TMEM74B: variants seen among roughly 807,000 people sequenced by gnomAD.
TMEM74B encodes the protein transmembrane protein C20orf46.
In TMEM74B, 7 loss-of-function variants were observed where a neutral mutation model predicts 6.5. The observed-to-expected ratio is 1.07, with a 90% CI of 0.61 to 2.01. TMEM74B has a LOEUF of 2.01. Among genes scored for constraint, TMEM74B ranks in the 30% most tolerant of loss-of-function variants. TMEM74B has a pLI of 0.00. For missense variants in TMEM74B, 342 were observed against 337.0 expected (o/e 1.01, Z -0.12); for synonymous variants, 151 against 151.6 (o/e 1.00, Z 0.03).
In TMEM74B at chr20:1,183,847, CTTCA is replaced by C. The variant is rs781460315; in HGVS notation, c.-50_-47del. 1 of 1,609,172 alleles carries C rather than the reference CTTCA, an allele frequency of 6.2e-7. No homozygotes were observed. The highest frequency in any genetic ancestry group is 1.1e-5 in the South Asian group (1 of 90,208). On this transcript the variant is annotated 5_prime_UTR_variant, in exon 2 of 3. An upstream start codon of the reference 5' UTR is lost. Transcript: ENST00000429036. ...GCTCTGCATCCCTCACTCATAGACTCTTCATTTTATCCAGCTGTTTATCAGCAAC... is the reference window on the plus strand; with the variant it reads ...GCTCTGCATCCCTCACTCATAGACTCTTTTATCCAGCTGTTTATCAGCAAC...
Position 1,180,927 on chromosome 20 carries a change from T to C in TMEM74B, c.692A>G (p.Asn231Ser), listed in dbSNP as rs200702079. The change falls in exon 3 of 3, where the codon AAT becomes AGT. Residue 231 changes from asparagine (N) to serine (S), a missense_variant. Transcript: ENST00000429036. This position sits in a 1 kb window ranked among gnomAD's most constrained non-coding sequence, Gnocchi z 6.1. ...GSINLRMRQL[N>S]GDGGQALVEN... ...CACCAGGGCCTGGCCCCCATCCCCA[T>C]TGAGCTGTCTCATGCGCAGGTTAAT... 7 of 1,614,026 alleles carry C rather than the reference T, an allele frequency of 4.3e-6. No homozygotes were observed. The Admixed American group carries it at 5.0e-5, about 12-fold the overall frequency.
intron 2 of TMEM74B, among the ~76,000 whole-genome samples, chr20:1,182,103 G>A (rs976671504): frequency 6.7e-6 from 1 of 148,802 alleles, no homozygotes; most frequent in Non-Finnish European, 1.5e-5. Flanking sequence ...TAAGGTTGTT[G>A]TGAGGATTTC....
upstream of TMEM74B, among the ~76,000 whole-genome samples, chr20:1,187,206 A>C (rs1285346951): frequency 6.6e-6 from 1 of 151,894 alleles, no homozygotes; most frequent in Non-Finnish European, 1.5e-5. Context: ...GTGCCCCAGC[A>C]CTCTTTACTC....
chr20:1,181,352 C>G lies in TMEM74B; in HGVS notation c.267G>C (p.Gly89=). ...GGGATCGGGGCAGTGAGGAGACACC[C>G]CCAGGGGGACTGGGTGAGCTGCCCA... ...TRLGSSPSPP[G]GVSSLPRSQR... is the part of the protein sequence containing the mutation. Residue 89 remains glycine (G), a synonymous_variant, in exon 3 of 3, where the codon GGG becomes GGC. Coordinates refer to ENST00000429036, the MANE Select transcript of TMEM74B (RefSeq NM_001304748.2). This position sits in a 1 kb window ranked among gnomAD's most constrained non-coding sequence, Gnocchi z 4.9. 1.3e-6 allele frequency: 2 copies of G among 1,566,598 alleles called. No individual in the cohort carries two copies. The highest frequency in any genetic ancestry group is 1.7e-6 in the Non-Finnish European group (2 of 1,153,906).
upstream of TMEM74B, among the ~76,000 whole-genome samples, chr20:1,187,062 C>T (rs148409120): frequency 1.8e-4 from 28 of 152,320 alleles, no homozygotes; most frequent in Non-Finnish European, 3.5e-4. Flanking sequence ...TTTGCGCTGG[C>T]TGTTCCTTCT....
In TMEM74B at chr20:1,184,458, A is replaced by G. The variant is rs1310023842; in HGVS notation, c.-304T>C. 1 of 152,302 alleles carries G rather than the reference A, an allele frequency of 6.6e-6. No individual in the cohort carries two copies. Among genetic ancestry groups the G allele is most frequent in the African/African-American group, 2.4e-5 (1 of 41,328 alleles). The allele number at this position is 152,302 out of a possible 1,614,324, so 9.4% of individuals were successfully genotyped here. ...ACACCCCACGACCCCACCAGTTACT[A>G]ATTTCATCTGCAGTCAGACAGGTCC... On this transcript the variant is annotated 5_prime_UTR_variant, in exon 1 of 3. Coordinates refer to ENST00000429036, the MANE Select transcript of TMEM74B (RefSeq NM_001304748.2). This position sits in a 1 kb window ranked among gnomAD's most constrained non-coding sequence, Gnocchi z 6.0.
chr20:1,182,581 T>C (rs1206127754), intron 2 of TMEM74B, among the ~76,000 whole-genome samples: 1 of 151,154 alleles, frequency 6.6e-6, no homozygotes, highest in Non-Finnish European at 1.5e-5. Flanking sequence ...GAGCCATGAC[T>C]AGGTCAAAGC....
upstream of TMEM74B, among the ~76,000 whole-genome samples, chr20:1,185,848 GGTAGGACCCCGGGTCC>G (rs2087012459): frequency 1.5e-5 from 1 of 64,892 alleles, no homozygotes; most frequent in East Asian, 5.1e-4. Flanking sequence ...GCAGCCCCCA[GGTAGGACCCCGGGTCC>G]TCTCCGAGGT....
chr20:1,188,948 A>C (rs1276256875), upstream of TMEM74B, among the ~76,000 whole-genome samples: 1 of 119,780 alleles, frequency 8.3e-6, no homozygotes, highest in African/African-American at 3.3e-5. Flanking sequence ...GCACATAATG[A>C]CTCCCTTTCC....
chr20:1,184,841 G>T lies in TMEM74B; in HGVS notation c.-687C>A, dbSNP rs1391388276. ...ACAAAGCCTTGGGGCGCGCAGATAC[G>T]CACACGCAGGTCCACGCTGTTGTAC... On this transcript the variant is annotated 5_prime_UTR_variant, in exon 1 of 3. Coordinates refer to ENST00000429036, the MANE Select transcript of TMEM74B (RefSeq NM_001304748.2). This position sits in a 1 kb window ranked among gnomAD's most constrained non-coding sequence, Gnocchi z 6.0. Among the ~76,000 whole-genome samples, 1 of 152,222 alleles carries T rather than the reference G, an allele frequency of 6.6e-6. No individual in the cohort carries two copies. Among genetic ancestry groups the T allele is most frequent in the Non-Finnish European group, 1.5e-5 (1 of 68,030 alleles).
upstream of TMEM74B, among the ~76,000 whole-genome samples, chr20:1,188,882 G>T (rs1470187375): frequency 6.6e-6 from 1 of 150,524 alleles, no homozygotes; most frequent in Non-Finnish European, 1.5e-5. Flanking sequence ...TCTGTATCTA[G>T]ATAACTCAGT....
chr20:1,181,501 G>C lies in TMEM74B; in HGVS notation c.118C>G (p.Pro40Ala). The change falls in exon 3 of 3, where the codon CCC becomes GCC. Residue 40 changes from proline (P) to alanine (A), a missense_variant. By Grantham distance (27) the Pro-to-Ala change is conservative. Transcript: ENST00000429036. This position sits in a 1 kb window ranked among gnomAD's most constrained non-coding sequence, Gnocchi z 4.9. ...GLELKTLSNGPQAPRRSAPLG... is the reference protein window; with the variant it reads ...GLELKTLSNGAQAPRRSAPLG... ...GGAGCTGATCTCCTTGGGGCTTGGG[G>C]ACCATTGCTCAGTGTCTTCAGTTCC... The C allele has an allele frequency of 6.6e-7, 1 of 1,507,400 alleles. No homozygotes were observed. Among genetic ancestry groups the C allele is most frequent in the Non-Finnish European group, 8.8e-7 (1 of 1,130,456 alleles). The allele number at this position is 1,507,400 out of a possible 1,614,324, so 93.4% of individuals were successfully genotyped here.
At chr20:1,183,316 T>TGTGTTTG (rs2086926889) in intron 2 of TMEM74B, among the ~76,000 whole-genome samples, 1 of 95,578 alleles carries the variant, frequency 1.0e-5, no homozygotes. Flanking sequence ...GTGTGTGTGT[T>TGTGTTTG]TGTGTGTGTG....
rs2086966524 is a variant in TMEM74B, at chr20:1,184,619, C to CGT, written c.-467_-466dup. 1 of 115,952 alleles carries CGT rather than the reference C, an allele frequency of 8.6e-6. No homozygotes were observed. The highest frequency in any genetic ancestry group is 1.7e-5 in the Non-Finnish European group (1 of 58,922). The allele number at this position is 115,952 out of a possible 1,614,324, so 7.2% of individuals were successfully genotyped here. On this transcript the variant is annotated 5_prime_UTR_variant, in exon 1 of 3. Transcript: ENST00000429036. This position sits in a 1 kb window ranked among gnomAD's most constrained non-coding sequence, Gnocchi z 6.0. Reference sequence around the variant, plus strand: ...GAGTACCCCGTCACACGCACACGCGCGTACACACACACACACACACACACA... The same window carrying CGT: ...GAGTACCCCGTCACACGCACACGCGCGTGTACACACACACACACACACACACA...
chr20:1,183,723 G>C, intron 2 of TMEM74B, 48 bp downstream of exon 2: 1 of 1,608,020 alleles, frequency 6.2e-7, no homozygotes, highest in Non-Finnish European at 8.5e-7. Flanking sequence ...GAGGGTGGAG[G>C]ACAGGAGTTG....
In TMEM74B at chr20:1,181,280, C is replaced by G; in HGVS notation, c.339G>C (p.Glu113Asp). The change falls in exon 3 of 3, where the codon GAG (glutamate) becomes GAC (aspartate). Residue 113 changes from glutamate (E) to aspartate (D), a missense_variant. Glu to Asp is a conservative substitution (Grantham distance 45, BLOSUM62 2). Coordinates refer to ENST00000429036, the MANE Select transcript of TMEM74B (RefSeq NM_001304748.2). The surrounding 1 kb of genome is among the most constrained non-coding windows in gnomAD (Gnocchi z 4.9). Reference sequence around the variant, plus strand: ...CATAATCCACCGGGCGGCTCACGGGCTCCAGGGCTGGCCCCTCCTCTGAAT... The same window carrying G: ...CATAATCCACCGGGCGGCTCACGGGGTCCAGGGCTGGCCCCTCCTCTGAAT... Reference protein sequence around the residue: ...SLHSEEGPALEPVSRPVDYGF... With the variant: ...SLHSEEGPALDPVSRPVDYGF... 6.2e-7 allele frequency: 1 copy of G among 1,613,546 alleles called. No individual in the cohort carries two copies. The highest frequency in any genetic ancestry group is 8.5e-7 in the Non-Finnish European group (1 of 1,179,740).
rs1213247476 is a variant in TMEM74B, at chr20:1,183,844, A to T, written c.-43T>A. ...CTGGCTCTGCATCCCTCACTCATAG[A>T]CTCTTCATTTTATCCAGCTGTTTAT... On this transcript the variant is annotated 5_prime_UTR_variant, in exon 2 of 3. Transcript: ENST00000429036. 5 of 1,610,794 alleles carry T rather than the reference A, an allele frequency of 3.1e-6. No homozygotes were observed. The East Asian group carries it at 1.1e-4, about 36-fold the overall frequency.
chr20:1,185,616 G>A (rs1004350485), upstream of TMEM74B, among the ~76,000 whole-genome samples: 4 of 151,948 alleles, frequency 2.6e-5, no homozygotes, highest in African/African-American at 4.8e-5. Flanking sequence ...CCGATCCACC[G>A]TCCTCCCCTC....
At chr20:1,187,426 T>C (rs1055640924), upstream of TMEM74B, among the ~76,000 whole-genome samples, 2 of 151,958 alleles carry the variant, frequency 1.3e-5, no homozygotes, top group Admixed American at 1.3e-4. Flanking sequence ...AATGGGCAAA[T>C]ATTATATACT....
Sources: gnomAD v4.1 joint callset for allele counts (sites outside exome capture counted in the v4.1 genomes callset) on GRCh38, gnomAD v4.1.1 for gene constraint, Gnocchi (gnomAD v3.1) non-coding constraint, MANE v1.5 for transcripts, NCBI Gene and HGNC (gene_info 2026-07-23, HGNC 2026-07-21) for gene names.